The following CDK8 variants were observed in gnomAD, a reference collection of about 807,000 sequenced individuals.
CDK8 encodes cyclin dependent kinase 8, also known as cyclin-dependent kinase 8.
Under a neutral mutation model 71.5 loss-of-function variants are expected in CDK8, and 29 were observed. The ratio of observed to expected loss-of-function variants is 0.41; its 90% confidence interval spans 0.30 to 0.55. CDK8 has a LOEUF of 0.55. CDK8 is among the 20% of genes least tolerant of loss of function. CDK8 has a pLI of 0.37. For synonymous variants in CDK8, 161 were observed against 192.1 expected (o/e 0.84, Z 1.34); for missense variants, 288 against 572.6 (o/e 0.50, Z 5.07).
chr13:26,315,243 T>C (rs1049433337), intron 1 of CDK8, among the ~76,000 whole-genome samples: 85 of 152,226 alleles, frequency 5.6e-4, no homozygotes, highest in African/African-American at 1.9e-3. Context: ...ATCATAGATA[T>C]GTGAATGATA....
Position 26,310,994 on chromosome 13 carries a change from G to A in CDK8, c.129-26573G>A, listed in dbSNP as rs150966774. Among the ~76,000 whole-genome samples the A allele has an allele frequency of 1.5e-3, 228 of 149,002 alleles. 1 individual carries two copies. Among genetic ancestry groups the A allele is most frequent in the African/African-American group, 5.5e-3 (222 of 40,506 alleles). The stretch of plus-strand genomic sequence containing the variant: ...CACTTCTCATCATTTTTTCCTGTTC[G>A]CTATGCTTCAGCTTGATTTTCAGTT... On this transcript the variant is annotated intron_variant, in intron 1 of 12. Coordinates refer to ENST00000381527, the MANE Select transcript of CDK8 (RefSeq NM_001260.3).
At chr13:26,297,402 C>T (rs1873607863) in intron 1 of CDK8, among the ~76,000 whole-genome samples, 1 of 152,282 alleles carries the variant, frequency 6.6e-6, no homozygotes, top group Non-Finnish European at 1.5e-5. Context: ...TAAAGCATGA[C>T]AGTCACTAAC....
chr13:26,403,066 G>A (rs1465034944), intron 12 of CDK8, among the ~76,000 whole-genome samples: 1 of 152,182 alleles, frequency 6.6e-6, no homozygotes, highest in Non-Finnish European at 1.5e-5. Context: ...GTGTGAGAAT[G>A]GGAATAATAA....
intron 6 of CDK8, among the ~76,000 whole-genome samples, chr13:26,391,299 G>T (rs1385839377): frequency 1.3e-5 from 2 of 152,048 alleles, no homozygotes; most frequent in African/African-American, 4.8e-5. Context: ...GTGAAATAGG[G>T]TCTTGCTATG....
intron 7 of CDK8, 98 bp downstream of exon 7, chr13:26,393,608 A>C: frequency 8.3e-7 from 1 of 1,199,416 alleles, no homozygotes; most frequent in Non-Finnish European, 1.2e-6. Flanking sequence ...GATGGAAGCT[A>C]CTTTTACTTG....
At chr13:26,329,097 T>C (rs1487007943) in intron 1 of CDK8, among the ~76,000 whole-genome samples, 1 of 152,208 alleles carries the variant, frequency 6.6e-6, no homozygotes, top group African/African-American at 2.4e-5. Flanking sequence ...TTTTATGCTA[T>C]CTTCAGTCTC....
chr13:26,274,663 C>T (rs1872493415), intron 1 of CDK8, among the ~76,000 whole-genome samples: 1 of 152,086 alleles, frequency 6.6e-6, no homozygotes, highest in African/African-American at 2.4e-5. Context: ...ATTCTCCTGA[C>T]CTCGTGATCC....
At chr13:26,307,095 A>C (rs1164280014) in intron 1 of CDK8, among the ~76,000 whole-genome samples, 1 of 152,204 alleles carries the variant, frequency 6.6e-6, no homozygotes, top group Non-Finnish European at 1.5e-5. Context: ...TGAAGAATAA[A>C]ACATTAGAAA....
rs192914739 is a variant in CDK8 at position 26,314,394 on chromosome 13, A to G, written c.129-23173A>G. Reference sequence around the variant, plus strand: ...AGCTCAATTTAAAGAAAGAAATCAAACATTAAAATACAAGTTAACTGTAGC... The same window carrying G: ...AGCTCAATTTAAAGAAAGAAATCAAGCATTAAAATACAAGTTAACTGTAGC... On this transcript the variant is annotated intron_variant, in intron 1 of 12. Transcript: ENST00000381527. Among the ~76,000 whole-genome samples the G allele has an allele frequency of 2.3e-3, 349 of 152,346 alleles. 1 individual carries two copies. The highest frequency in any genetic ancestry group is 3.4e-3 in the Middle Eastern group (1 of 294).
chr13:26,270,214 C>T (rs1566465028), intron 1 of CDK8, among the ~76,000 whole-genome samples: 1 of 151,920 alleles, frequency 6.6e-6, no homozygotes, highest in Admixed American at 6.6e-5. Context: ...ACATGTGAAA[C>T]CCTATCTCTA....
At chr13:26,334,179 G>A (rs972977298) in intron 1 of CDK8, among the ~76,000 whole-genome samples, 2 of 152,142 alleles carry the variant, frequency 1.3e-5, no homozygotes, top group African/African-American at 4.8e-5. Flanking sequence ...TTAGTTCACA[G>A]AGAAGAAATT....
chr13:26,402,049 A>C (rs1287333024), intron 12 of CDK8, among the ~76,000 whole-genome samples: 1 of 152,252 alleles, frequency 6.6e-6, no homozygotes, highest in Non-Finnish European at 1.5e-5. Context: ...TTCAGATCCC[A>C]GTCTGGCCAC....
chr13:26,404,358 A>C lies in CDK8; in HGVS notation c.*277A>C. Reference sequence around the variant, plus strand: ...TGACATGGTTCAGACTGACCAATGCATTTTTTTCAGTGACAGTCTGTAGCA... The same window carrying C: ...TGACATGGTTCAGACTGACCAATGCCTTTTTTTCAGTGACAGTCTGTAGCA... On this transcript the variant is annotated 3_prime_UTR_variant, in exon 13 of 13. Transcript: ENST00000381527. 1 of 313,964 alleles carries C rather than the reference A, an allele frequency of 3.2e-6. No individual in the cohort carries two copies. Among genetic ancestry groups the C allele is most frequent in the East Asian group, 4.8e-5 (1 of 20,810 alleles). 19.4% of individuals were successfully genotyped at this position (313,964 alleles called of 1,614,324 possible). A position where few individuals can be genotyped will look rare whatever the true frequency, so the allele number is the denominator to read the frequency against.
chr13:26,317,708 G>C (rs1874577915), intron 1 of CDK8, among the ~76,000 whole-genome samples: 1 of 152,092 alleles, frequency 6.6e-6, no homozygotes, highest in South Asian at 2.1e-4. Flanking sequence ...GTTCAAAGAA[G>C]AAATTACAAG....
intron 2 of CDK8, among the ~76,000 whole-genome samples, chr13:26,348,098 A>C (rs577018048): frequency 2.0e-5 from 3 of 152,122 alleles, no homozygotes; most frequent in East Asian, 3.9e-4. Flanking sequence ...ATATAGATAT[A>C]TATATAGATA....
chr13:26,396,644 C>G (rs1028261816), intron 8 of CDK8, among the ~76,000 whole-genome samples: 2 of 152,036 alleles, frequency 1.3e-5, no homozygotes, highest in African/African-American at 4.8e-5. Context: ...AGAAGTATCA[C>G]AGCTGAATAA....
chr13:26,377,996 C>A (rs1473562515), intron 4 of CDK8, among the ~76,000 whole-genome samples: 1 of 152,174 alleles, frequency 6.6e-6, no homozygotes, highest in Non-Finnish European at 1.5e-5. Flanking sequence ...TCTTATGGAT[C>A]ATTGTCTTCT....
intron 1 of CDK8, among the ~76,000 whole-genome samples, chr13:26,277,349 C>T (rs1872595520): frequency 6.6e-6 from 1 of 152,130 alleles, no homozygotes. Flanking sequence ...TATTGAGGCT[C>T]ATTGAGGTTC....
rs185612060 is a variant in CDK8, at chr13:26,374,118, G to A, written c.457-8696G>A. Among the ~76,000 whole-genome samples the A allele has an allele frequency of 2.7e-3, 408 of 151,768 alleles. 1 individual carries two copies. Among genetic ancestry groups the A allele is most frequent in the African/African-American group, 9.0e-3 (374 of 41,400 alleles). ...CGAGAGGCTGAGGCAGGAGAATGGC[G>A]TGAACCTGGGAGGCGGAGCTTGCAG... On this transcript the variant is annotated intron_variant, in intron 4 of 12. Coordinates refer to ENST00000381527, the MANE Select transcript of CDK8 (RefSeq NM_001260.3).
Sources: gnomAD v4.1 joint callset for allele counts (sites outside exome capture counted in the v4.1 genomes callset) on GRCh38, gnomAD v4.1.1 for gene constraint, MANE v1.5 for transcripts, NCBI Gene and HGNC (gene_info 2026-07-23, HGNC 2026-07-21) for gene names.